FUT9: variants seen among roughly 807,000 people sequenced by gnomAD.
The protein encoded by FUT9 is fucosyltransferase 9.
FUT9 carries 15 observed loss-of-function variants against 29.7 expected under a neutral mutation model. That is an observed-to-expected ratio of 0.51 (90% CI 0.34 to 0.78). The LOEUF (loss-of-function observed/expected upper bound fraction) is 0.78, where lower values mean the gene tolerates loss of function less well. Among genes scored for constraint, FUT9 ranks in the 30% least tolerant of loss-of-function variants. FUT9 has a pLI of 0.01. For missense variants in FUT9, 319 were observed against 425.4 expected (o/e 0.75, Z 2.20); for synonymous variants, 169 against 153.7 (o/e 1.10, Z -0.74).
chr6:96,113,042 T>C (rs1771839949), intron 1 of FUT9, among the ~76,000 whole-genome samples: 1 of 145,784 alleles, frequency 6.9e-6, no homozygotes, highest in South Asian at 2.3e-4. Flanking sequence ...GATAGTTGTA[T>C]ACATCCAGAT....
At position 96,182,251 on chromosome 6, in the gene FUT9, A is replaced by G. The variant is rs533237304; in HGVS notation, c.-8-20897A>G. 5.3e-5 allele frequency among the ~76,000 whole-genome samples: 8 copies of G among 151,974 alleles called. No individual in the cohort carries two copies. In the South Asian group the frequency reaches 1.7e-3, roughly 31 times the overall value. ...TTGAGAATTGTCTAGTAATGTCCTT[A>G]GCCCACTTTTTGATGGAATTGTTTT... On this transcript the variant is annotated intron_variant, in intron 2 of 2. Coordinates refer to ENST00000302103, the MANE Select transcript of FUT9 (RefSeq NM_006581.4).
chr6:96,045,180 G>A (rs1312092768), intron 1 of FUT9, among the ~76,000 whole-genome samples: 4 of 152,180 alleles, frequency 2.6e-5, no homozygotes, highest in Non-Finnish European at 5.9e-5. Context: ...ACCAAGAGGT[G>A]AGAATTGAAA....
At chr6:96,071,469 G>A (rs1011105034) in intron 1 of FUT9, among the ~76,000 whole-genome samples, 5 of 152,092 alleles carry the variant, frequency 3.3e-5, no homozygotes, top group African/African-American at 1.2e-4. Flanking sequence ...TTAATTTTCT[G>A]CCTCTATTAT....
chr6:96,188,045 A>C (rs1347797211), intron 2 of FUT9, among the ~76,000 whole-genome samples: 1 of 151,988 alleles, frequency 6.6e-6, no homozygotes, highest in Non-Finnish European at 1.5e-5. Context: ...GTTCTGATTC[A>C]CCTTTCTACA....
intron 1 of FUT9, among the ~76,000 whole-genome samples, chr6:96,049,511 C>T (rs932843018): frequency 1.3e-5 from 2 of 152,164 alleles, no homozygotes; most frequent in African/African-American, 4.8e-5. Context: ...CCTATGAGGC[C>T]ATCCTGTTTC....
chr6:96,088,395 T>A (rs1389725772), intron 1 of FUT9, among the ~76,000 whole-genome samples: 1 of 152,108 alleles, frequency 6.6e-6, no homozygotes, highest in Non-Finnish European at 1.5e-5. Flanking sequence ...ATAGCTTTCA[T>A]CAAATTTGAA....
intron 1 of FUT9, among the ~76,000 whole-genome samples, chr6:96,058,621 T>G (rs999610031): frequency 3.9e-5 from 6 of 152,168 alleles, no homozygotes; most frequent in African/African-American, 1.4e-4. Flanking sequence ...AAACGAATGT[T>G]TGAAGAACCA....
chr6:96,177,066 G>A (rs1773217809), intron 2 of FUT9, among the ~76,000 whole-genome samples: 1 of 152,028 alleles, frequency 6.6e-6, no homozygotes. Context: ...GTTTGTGAGA[G>A]GCCACTTCTA....
At chr6:96,158,501 G>A (rs1772833407) in intron 2 of FUT9, among the ~76,000 whole-genome samples, 1 of 152,172 alleles carries the variant, frequency 6.6e-6, no homozygotes, top group African/African-American at 2.4e-5. Flanking sequence ...GATTTGACAA[G>A]GGGAGTTATT....
At chr6:96,038,279 T>C (rs1770397842) in intron 1 of FUT9, among the ~76,000 whole-genome samples, 1 of 152,122 alleles carries the variant, frequency 6.6e-6, no homozygotes, top group Non-Finnish European at 1.5e-5. Context: ...TCTTCTGTCG[T>C]ATCTGGGTCA....
intron 1 of FUT9, among the ~76,000 whole-genome samples, chr6:96,038,278 G>A (rs1005270429): frequency 9.9e-5 from 15 of 152,058 alleles, no homozygotes; most frequent in African/African-American, 1.4e-4. Flanking sequence ...ATCTTCTGTC[G>A]TATCTGGGTC....
At chr6:96,102,975 G>A in intron 1 of FUT9, among the ~76,000 whole-genome samples, 1 of 152,172 alleles carries the variant, frequency 6.6e-6, no homozygotes, top group East Asian at 1.9e-4. Flanking sequence ...AGTGACTAAA[G>A]CAGACTGTAC....
At chr6:96,155,646 C>T (rs1772767602) in intron 2 of FUT9, among the ~76,000 whole-genome samples, 2 of 150,524 alleles carry the variant, frequency 1.3e-5, no homozygotes, top group South Asian at 2.1e-4. Flanking sequence ...GCACTCCAGC[C>T]TGGGCGACAG....
intron 1 of FUT9, among the ~76,000 whole-genome samples, chr6:96,075,460 C>T (rs1304891735): frequency 6.6e-6 from 1 of 152,110 alleles, no homozygotes; most frequent in East Asian, 1.9e-4. Flanking sequence ...ATGAATCTCA[C>T]TTTCCTGACA....
At chr6:96,159,060 A>G (rs892958674) in intron 2 of FUT9, among the ~76,000 whole-genome samples, 1 of 152,186 alleles carries the variant, frequency 6.6e-6, no homozygotes, top group African/African-American at 2.4e-5. Context: ...TATCTTTTCT[A>G]ATAATGCTTC....
At chr6:96,117,980 C>T (rs902562804) in intron 2 of FUT9, among the ~76,000 whole-genome samples, 1 of 152,016 alleles carries the variant, frequency 6.6e-6, no homozygotes, top group Admixed American at 6.6e-5. Context: ...CTCAGGCAAG[C>T]AAATCACTTG....
At position 96,212,363 on chromosome 6, in the gene FUT9, G is replaced by T. The variant is rs1773953760; in HGVS notation, c.*8128G>T. Reference sequence around the variant, plus strand: ...CAGGCTTTTCATTTACTGGTTTTCTGCCTCAAGAGTCCTTAAGCAAATGAA... The same window carrying T: ...CAGGCTTTTCATTTACTGGTTTTCTTCCTCAAGAGTCCTTAAGCAAATGAA... On this transcript the variant is annotated 3_prime_UTR_variant, in exon 3 of 3. Coordinates refer to ENST00000302103, the MANE Select transcript of FUT9 (RefSeq NM_006581.4). 2.4e-6 allele frequency: 1 copy of T among 412,372 alleles called. No individual in the cohort carries two copies. Among genetic ancestry groups the T allele is most frequent in the African/African-American group, 2.1e-5 (1 of 48,554 alleles). The allele number at this position is 412,372 out of a possible 1,614,324, so 25.5% of individuals were successfully genotyped here.
chr6:96,120,755 G>A (rs992873797), intron 2 of FUT9, among the ~76,000 whole-genome samples: 1 of 150,780 alleles, frequency 6.6e-6, no homozygotes, highest in Admixed American at 6.6e-5. Context: ...GGGGTAGCCT[G>A]GAAGAAATCA....
chr6:96,050,638 A>G (rs1158273333), intron 1 of FUT9, among the ~76,000 whole-genome samples: 1 of 152,236 alleles, frequency 6.6e-6, no homozygotes, highest in African/African-American at 2.4e-5. Flanking sequence ...TTGGAAATAA[A>G]TAGTTTACAT....
Sources: allele counts gnomAD v4.1 joint callset (sites outside exome capture counted in the v4.1 genomes callset), GRCh38; gene constraint gnomAD v4.1.1; transcripts MANE v1.5; gene names NCBI Gene and HGNC (gene_info 2026-07-23, HGNC 2026-07-21).